Variants in ARMC9 observed in about 807,000 individuals in gnomAD.
The protein encoded by ARMC9 is lisH domain-containing protein ARMC9.
Under a neutral mutation model 107.0 loss-of-function variants are expected in ARMC9, and 94 were observed. The observed-to-expected ratio is 0.88, with a 90% CI of 0.74 to 1.04. The LOEUF (loss-of-function observed/expected upper bound fraction) is 1.04, where lower values mean the gene tolerates loss of function less well. Among genes scored for constraint, ARMC9 ranks in the 50% least tolerant of loss-of-function variants. ARMC9 has a pLI of 0.00. For missense variants in ARMC9, 942 were observed against 1,030.1 expected (o/e 0.91, Z 1.17); for synonymous variants, 380 against 396.9 (o/e 0.96, Z 0.51).
rs62197353 is a variant in ARMC9 at position 231,301,999 on chromosome 2, C to T, written c.1773+5746C>T. ...TCAAAAAAAAAAAGTTAAATATATT[C>T]GCTTTTATTTTATAGTTCCTGGGTC... On this transcript the variant is annotated intron_variant, in intron 19 of 24. Transcript: ENST00000611582. 4.8e-3 allele frequency among the ~76,000 whole-genome samples: 729 copies of T among 152,076 alleles called. 2 individuals are homozygous for T. The highest frequency in any genetic ancestry group is 8.0e-3 in the Non-Finnish European group (542 of 67,994).
intron 19 of ARMC9, among the ~76,000 whole-genome samples, chr2:231,312,444 G>C (rs2042406791): frequency 6.6e-6 from 1 of 152,246 alleles, no homozygotes; most frequent in Non-Finnish European, 1.5e-5. Flanking sequence ...TCCCTGCATG[G>C]GATGAGTGGC....
chr2:231,258,381 A>G (rs1159859919), intron 10 of ARMC9, among the ~76,000 whole-genome samples: 1 of 151,948 alleles, frequency 6.6e-6, no homozygotes, highest in Non-Finnish European at 1.5e-5. Context: ...GGGTTTCACC[A>G]TGTTGGCCAG....
At chr2:231,267,801 A>G (rs56316725) in intron 12 of ARMC9, among the ~76,000 whole-genome samples, 18,453 of 152,186 alleles carry the variant, frequency 0.12, 2,207 homozygotes, top group African/African-American at 0.3. Context: ...GACCTCGTGC[A>G]CTACTTTGGA....
At chr2:231,234,942 G>T (rs181660605) in intron 7 of ARMC9, among the ~76,000 whole-genome samples, 1 of 152,316 alleles carries the variant, frequency 6.6e-6, no homozygotes, top group African/African-American at 2.4e-5. Context: ...AGAACTAAAA[G>T]AAATTGCATG....
At chr2:231,328,316 A>T (rs2043471057) in intron 19 of ARMC9, among the ~76,000 whole-genome samples, 1 of 152,144 alleles carries the variant, frequency 6.6e-6, no homozygotes, top group Non-Finnish European at 1.5e-5. Flanking sequence ...TCTGCTGAAT[A>T]TGTGGTTTCC....
intron 16 of ARMC9, among the ~76,000 whole-genome samples, chr2:231,279,511 CTTT>C (rs57779512): frequency 1.6e-5 from 2 of 124,794 alleles, no homozygotes. Context: ...TTTCTTTTTT[CTTT>C]TTTTTTTTTT....
intron 14 of ARMC9, 36 bp downstream of exon 14, chr2:231,273,114 G>T: frequency 6.3e-7 from 1 of 1,592,230 alleles, no homozygotes; most frequent in South Asian, 1.1e-5. Flanking sequence ...TGTCTCCTGT[G>T]AGATCAGATT....
chr2:231,330,515 G>A, intron 19 of ARMC9, among the ~76,000 whole-genome samples: 1 of 152,140 alleles, frequency 6.6e-6, no homozygotes, highest in African/African-American at 2.4e-5. Context: ...CCAAGTGTGG[G>A]TAGAAGTCTG....
intron 6 of ARMC9, among the ~76,000 whole-genome samples, chr2:231,223,887 C>T (rs16827871): frequency 2.6e-5 from 4 of 152,138 alleles, no homozygotes; most frequent in African/African-American, 7.2e-5. Flanking sequence ...CTTTTCCTTC[C>T]TAGAGTTCCA....
intron 12 of ARMC9, among the ~76,000 whole-genome samples, chr2:231,269,653 A>G (rs1238393213): frequency 6.6e-6 from 1 of 151,934 alleles, no homozygotes; most frequent in East Asian, 1.9e-4. Flanking sequence ...TCCTGGGATT[A>G]TAGGCATGAG....
At chr2:231,253,833 C>G (rs967539842) in intron 9 of ARMC9, among the ~76,000 whole-genome samples, 6 of 152,202 alleles carry the variant, frequency 3.9e-5, no homozygotes, top group Non-Finnish European at 8.8e-5. Context: ...GTCACGGAGT[C>G]AGATGCTGTC....
intron 9 of ARMC9, among the ~76,000 whole-genome samples, chr2:231,252,632 G>C (rs1273030909): frequency 6.6e-6 from 1 of 151,616 alleles, no homozygotes; most frequent in Non-Finnish European, 1.5e-5. Context: ...TAAGGTGTTA[G>C]GTGAATAATT....
At chr2:231,354,642 A>C (rs2045262040) in intron 21 of ARMC9, among the ~76,000 whole-genome samples, 1 of 152,246 alleles carries the variant, frequency 6.6e-6, no homozygotes, top group African/African-American at 2.4e-5. Context: ...TTGGCCTCCC[A>C]AAGTGCTGGG....
chr2:231,246,284 G>A (rs1045597533), intron 9 of ARMC9, among the ~76,000 whole-genome samples: 1 of 152,102 alleles, frequency 6.6e-6, no homozygotes, highest in Admixed American at 6.6e-5. Context: ...CTGGGATTTG[G>A]CATACAGATG....
chr2:231,350,833 A>C (rs2045035243), intron 21 of ARMC9, among the ~76,000 whole-genome samples: 1 of 147,812 alleles, frequency 6.8e-6, no homozygotes, highest in South Asian at 2.1e-4. Flanking sequence ...TCCAACTTTT[A>C]TGAAGGGCTT....
rs2045325927 is a variant in ARMC9, at chr2:231,355,906, C to T, written c.2103C>T (p.Ser701=). ...HEAVYREGKP[S]TPESCVSSSS... ...CTGTCTACAGGGAGGGCAAGCCCAGCACCCCGGAGTCCTGCGTCTCCTCTT... is the reference window on the plus strand; with the variant it reads ...CTGTCTACAGGGAGGGCAAGCCCAGTACCCCGGAGTCCTGCGTCTCCTCTT... Residue 701 remains serine (S), a synonymous_variant, in exon 22 of 25, where the codon AGC becomes AGT. Transcript: ENST00000611582. The T allele has an allele frequency of 1.3e-6, 2 of 1,536,012 alleles. No homozygotes were observed. Among genetic ancestry groups the T allele is most frequent in the Admixed American group, 2.0e-5 (1 of 50,978 alleles).
chr2:231,350,026 T>TAA (rs200774556), intron 21 of ARMC9, among the ~76,000 whole-genome samples: 6 of 136,840 alleles, frequency 4.4e-5, no homozygotes, highest in Non-Finnish European at 3.2e-5. Flanking sequence ...CACAAACATC[T>TAA]AAAAAAAAAA....
intron 21 of ARMC9, among the ~76,000 whole-genome samples, chr2:231,351,527 A>G (rs959644263): frequency 6.6e-6 from 1 of 152,150 alleles, no homozygotes; most frequent in Non-Finnish European, 1.5e-5. Context: ...AGAGAGAATT[A>G]TGATCATCAT....
chr2:231,323,981 C>A (rs2043146724), intron 19 of ARMC9, among the ~76,000 whole-genome samples: 1 of 152,082 alleles, frequency 6.6e-6, no homozygotes, highest in Non-Finnish European at 1.5e-5. Flanking sequence ...TGCCCCAGGC[C>A]CCCTGCTCAC....
Sources: gnomAD v4.1 joint callset for allele counts (sites outside exome capture counted in the v4.1 genomes callset) on GRCh38, gnomAD v4.1.1 for gene constraint, MANE v1.5 for transcripts, NCBI Gene and HGNC (gene_info 2026-07-23, HGNC 2026-07-21) for gene names.